CTR9: variants seen among roughly 807,000 people sequenced by gnomAD.
The protein encoded by CTR9 is RNA polymerase-associated protein CTR9 homolog.
A neutral mutation model predicts 152.1 loss-of-function variants in CTR9; 41 were observed. The observed-to-expected ratio is 0.27, with a 90% confidence interval of 0.21 to 0.35. The LOEUF (loss-of-function observed/expected upper bound fraction) is 0.35. Ranked by LOEUF, CTR9 falls within the 10% of genes least tolerant of loss-of-function variation. The probability of loss-of-function intolerance (pLI) is 1.00; values close to 1 mark genes in which losing one functional copy is unlikely to be tolerated. For synonymous variants in CTR9, 476 were observed against 496.2 expected (o/e 0.96, Z 0.54); for missense variants, 917 against 1,424.4 (o/e 0.64, Z 5.73).
chr11:10,772,725 A>G, intron 20 of CTR9, 70 bp downstream of exon 20: 1 of 1,434,366 alleles, frequency 7.0e-7, no homozygotes, highest in Non-Finnish European at 9.2e-7. Context: ...TATGTTTAAA[A>G]AAAAAAGTCC....
Position 10,773,259 on chromosome 11 carries a change from G to A in CTR9, c.2713G>A (p.Gly905Ser). 1 of 1,612,048 alleles carries A rather than the reference G, an allele frequency of 6.2e-7. No homozygotes were observed. The highest frequency in any genetic ancestry group is 8.5e-7 in the Non-Finnish European group (1 of 1,179,546). The change falls in exon 21 of 25, where the codon GGT (glycine) becomes AGT (serine). Residue 905 changes from glycine (G) to serine (S), a missense_variant. This residue lies in a region of CTR9 where 384 missense variants were observed against 398.4 expected (regional missense o/e 0.96). Coordinates refer to ENST00000361367, the MANE Select transcript of CTR9 (RefSeq NM_014633.5). ...AGCAACAAAAGAGAAGAAAAGAGGTGGTGGTGGTGGACGGGTAAGATATAA... is the reference window on the plus strand; with the variant it reads ...AGCAACAAAAGAGAAGAAAAGAGGTAGTGGTGGTGGACGGGTAAGATATAA... ...TEATKEKKRG[G>S]GGGRRSKKGG...
chr11:10,770,461 A>T, intron 17 of CTR9, 26 bp from the exon 18 acceptor site: 1 of 1,604,250 alleles, frequency 6.2e-7, no homozygotes, highest in Non-Finnish European at 8.5e-7. Context: ...ATTTGAACAT[A>T]TGAAATATTT....
rs1863026551 is a variant in CTR9 at position 10,764,385 on chromosome 11, C to G, written c.1362C>G (p.Leu454=). The G allele has an allele frequency of 4.3e-6, 7 of 1,614,056 alleles. No individual in the cohort carries two copies. The African/African-American group carries it at 8.0e-5, about 18-fold the overall frequency. ...AGGCCGATGTTCCTCCAGAGATTCT[C>G]AATAATGTGGGTGCCCTCCATTTTA... ...KVQADVPPEI[L]NNVGALHFRL... The change falls in exon 11 of 25, where the codon CTC becomes CTG. Residue 454 remains leucine, a synonymous_variant. Transcript: ENST00000361367.
intron 3 of CTR9, 136 bp from the exon 4 acceptor site, chr11:10,755,542 G>C (rs1364745328): frequency 1.7e-6 from 1 of 596,028 alleles, no homozygotes; most frequent in Non-Finnish European, 2.9e-6. Context: ...AGAATTGCTT[G>C]TTAGTAGCTT....
At chr11:10,752,877 T>C in intron 2 of CTR9, 107 bp downstream of exon 2, 2 of 822,446 alleles carry the variant, frequency 2.4e-6, no homozygotes, top group South Asian at 1.5e-5. Context: ...AGATTAGTTA[T>C]ACCATGTGTA....
intron 2 of CTR9, among the ~76,000 whole-genome samples, chr11:10,753,352 A>T (rs750167493): frequency 1.3e-5 from 2 of 152,170 alleles, no homozygotes; most frequent in Non-Finnish European, 2.9e-5. Context: ...CTGCATAATG[A>T]TGTTTTCTTT....
intron 7 of CTR9, 41 bp from the exon 8 acceptor site, chr11:10,763,390 T>G (rs1863008704): frequency 7.6e-7 from 1 of 1,321,636 alleles, no homozygotes; most frequent in Non-Finnish European, 1.1e-6. Flanking sequence ...TGCAAGCTAG[T>G]CTTATGAATT....
intron 5 of CTR9, 71 bp from the exon 6 acceptor site, chr11:10,760,102 G>A (rs1430957351): frequency 1.9e-6 from 3 of 1,550,216 alleles, no homozygotes; most frequent in Non-Finnish European, 2.7e-6. Context: ...AATAGAGAAT[G>A]TTTAAGCATT....
chr11:10,768,718 T>C (rs1167402703), intron 16 of CTR9, among the ~76,000 whole-genome samples: 1 of 152,250 alleles, frequency 6.6e-6, no homozygotes, highest in African/African-American at 2.4e-5. Context: ...ACATCCTTTC[T>C]GAGCCAGTTT....
At chr11:10,755,585 T>G in intron 3 of CTR9, 93 bp from the exon 4 acceptor site, 1 of 713,140 alleles carries the variant, frequency 1.4e-6, no homozygotes, top group Non-Finnish European at 2.4e-6. Context: ...GAATTTGCAC[T>G]GTGCTCCACC....
intron 6 of CTR9, among the ~76,000 whole-genome samples, chr11:10,761,153 C>G (rs1485763085): frequency 6.6e-6 from 1 of 152,194 alleles, no homozygotes; most frequent in Non-Finnish European, 1.5e-5. Context: ...TCCCGGGCCT[C>G]TACCCACTAA....
chr11:10,778,659 C>G lies in CTR9; in HGVS notation c.3096-20C>G. ...GTTAGCCAGAATCCTCAGCTTCTAA[C>G]CAATGATCATCTTTGCCAGACATCC... On this transcript the variant is annotated intron_variant, in intron 24 of 24. Coordinates refer to ENST00000361367, the MANE Select transcript of CTR9 (RefSeq NM_014633.5). The G allele has an allele frequency of 6.2e-7, 1 of 1,600,512 alleles. No individual in the cohort carries two copies. Among genetic ancestry groups the G allele is most frequent in the Non-Finnish European group, 8.5e-7 (1 of 1,170,234 alleles).
chr11:10,767,413 A>G lies in CTR9; in HGVS notation c.1687-393A>G, dbSNP rs143647931. 443 of 168,808 alleles carry G rather than the reference A, an allele frequency of 2.6e-3. 5 individuals are homozygous for G. The highest frequency in any genetic ancestry group is 2.6e-3 in the Non-Finnish European group (199 of 77,234). 10.5% of individuals were successfully genotyped at this position (168,808 alleles called of 1,614,324 possible). On this transcript the variant is annotated intron_variant, in intron 13 of 24. Coordinates refer to ENST00000361367, the MANE Select transcript of CTR9 (RefSeq NM_014633.5). The surrounding 1 kb of genome is among the most constrained non-coding windows in gnomAD (Gnocchi z 4.0). The stretch of plus-strand genomic sequence containing the variant: ...ATTTTAATCATATGTAATTGGTCAC[A>G]AGGCCTAATTTGCAGTAACTATTGC...
chr11:10,769,943 A>G (rs1460772752), intron 16 of CTR9, among the ~76,000 whole-genome samples: 1 of 152,202 alleles, frequency 6.6e-6, no homozygotes, highest in East Asian at 1.9e-4. Flanking sequence ...CAGTCTGTTT[A>G]CCCTTTCTTT....
At chr11:10,751,531 G>A in intron 1 of CTR9, 74 bp downstream of exon 1, 1 of 1,453,060 alleles carries the variant, frequency 6.9e-7, no homozygotes, top group East Asian at 2.3e-5. Context: ...GCTCGACTTC[G>A]TTTCTGAAGC....
chr11:10,769,539 T>C (rs942820960), intron 16 of CTR9, among the ~76,000 whole-genome samples: 5 of 152,190 alleles, frequency 3.3e-5, no homozygotes, highest in African/African-American at 9.7e-5. Context: ...CTAGATTGCA[T>C]ATGGAGCTTC....
Position 10,778,959 on chromosome 11 carries a change from C to G in CTR9, c.3376C>G (p.Pro1126Ala), listed in dbSNP as rs1863287305. The change falls in exon 25 of 25, where the codon CCA (proline) becomes GCA (alanine). Residue 1126 changes from proline (P) to alanine (A), a missense_variant. Pro to Ala is a conservative substitution (Grantham distance 27, BLOSUM62 -1). This residue lies in a region of CTR9 where 384 missense variants were observed against 398.4 expected (regional missense o/e 0.96). Coordinates refer to ENST00000361367, the MANE Select transcript of CTR9 (RefSeq NM_014633.5). ...TGAGAACGACTCTCGCCCAGCTTCTCCAAGTGCCGAATCAGATCACGAATC... is the reference window on the plus strand; with the variant it reads ...TGAGAACGACTCTCGCCCAGCTTCTGCAAGTGCCGAATCAGATCACGAATC... ...VSENDSRPAS[P>A]SAESDHESER... is the part of the protein sequence containing the mutation. 1.2e-6 allele frequency: 2 copies of G among 1,613,996 alleles called. No individual in the cohort carries two copies. The highest frequency in any genetic ancestry group is 1.7e-6 in the Non-Finnish European group (2 of 1,180,046).
At chr11:10,771,474 A>T in intron 18 of CTR9, 71 bp from the exon 19 acceptor site, 1 of 1,158,492 alleles carries the variant, frequency 8.6e-7, no homozygotes, top group Non-Finnish European at 1.3e-6. Context: ...AGCACAGATT[A>T]AATTTTTTAA....
At chr11:10,752,846 T>C in intron 2 of CTR9, 76 bp downstream of exon 2, 1 of 1,164,762 alleles carries the variant, frequency 8.6e-7, no homozygotes, top group Non-Finnish European at 1.3e-6. Flanking sequence ...GATATAGTAA[T>C]AGCCAGCTTG....
Sources: gnomAD v4.1 joint callset for allele counts (sites outside exome capture counted in the v4.1 genomes callset) on GRCh38, gnomAD v4.1.1 for gene constraint, gnomAD v4.1.1 regional missense constraint, Gnocchi (gnomAD v3.1) non-coding constraint, MANE v1.5 for transcripts, NCBI Gene and HGNC (gene_info 2026-07-23, HGNC 2026-07-21) for gene names.